Variants in CHKA observed in about 807,000 individuals in gnomAD.
CHKA encodes the protein choline kinase alpha.
A neutral mutation model predicts 60.1 loss-of-function variants in CHKA; 34 were observed. That is an observed-to-expected ratio of 0.57 (90% CI 0.43 to 0.75). CHKA has a LOEUF of 0.75. CHKA is among the 30% of genes least tolerant of loss of function. CHKA has a pLI of 0.00. For missense variants in CHKA, 563 were observed against 561.3 expected, an observed-to-expected ratio of 1.00 and a Z score of -0.03; for synonymous variants, 217 against 223.1, an observed-to-expected ratio of 0.97 and a Z score of 0.24.
intron 4 of CHKA, among the ~76,000 whole-genome samples, chr11:68,071,511 C>T (rs1856618124): frequency 6.6e-6 from 1 of 152,234 alleles, no homozygotes; most frequent in Non-Finnish European, 1.5e-5. Flanking sequence ...TGCCCTTTTA[C>T]AGGAGGCCCA....
At chr11:68,054,412 G>C (rs1243047783) in intron 11 of CHKA, among the ~76,000 whole-genome samples, 1 of 152,150 alleles carries the variant, frequency 6.6e-6, no homozygotes. Flanking sequence ...ACACCTTTTA[G>C]AGCAAAAGAC....
At position 68,121,218 on chromosome 11, in the gene CHKA, G is replaced by C. The variant is rs1441883162; in HGVS notation, c.-41C>G. ...GAGGAGGCGCGGGCGGCCGCAGCGC[G>C]AGAGGACTAGGCTCAGAGTCCGGCC... On this transcript the variant is annotated 5_prime_UTR_variant, in exon 1 of 12. Coordinates refer to ENST00000265689, the MANE Select transcript of CHKA (RefSeq NM_001277.3). The C allele has an allele frequency of 2.6e-6, 3 of 1,138,024 alleles. No individual in the cohort carries two copies. Among genetic ancestry groups the C allele is most frequent in the African/African-American group, 1.7e-5 (1 of 59,548 alleles). 70.5% of individuals were successfully genotyped at this position (1,138,024 alleles called of 1,614,324 possible).
chr11:68,081,017 G>A (rs1346986360), intron 3 of CHKA, among the ~76,000 whole-genome samples: 1 of 152,268 alleles, frequency 6.6e-6, no homozygotes, highest in Non-Finnish European at 1.5e-5. Flanking sequence ...CCACTGGGCA[G>A]TGACCCGCTT....
At chr11:68,065,916 T>C (rs745523442) in intron 8 of CHKA, 22 bp from the exon 9 acceptor site, 3 of 1,541,154 alleles carry the variant, frequency 1.9e-6, no homozygotes, top group Non-Finnish European at 2.7e-6. Flanking sequence ...CATAAGACAG[T>C]GCACACAATG....
chr11:68,098,409 T>C (rs1431231183), intron 1 of CHKA, among the ~76,000 whole-genome samples: 8 of 152,118 alleles, frequency 5.3e-5, no homozygotes, highest in African/African-American at 1.9e-4. Flanking sequence ...GTCCTATTAC[T>C]GCTATAACAA....
chr11:68,100,979 ACT>A (rs2153025670), intron 1 of CHKA, among the ~76,000 whole-genome samples: 1 of 114,758 alleles, frequency 8.7e-6, no homozygotes, highest in East Asian at 2.4e-4. Flanking sequence ...ACGGAGTCTC[ACT>A]CTGTCACCCA....
At chr11:68,083,679 A>G (rs1198358928) in intron 2 of CHKA, among the ~76,000 whole-genome samples, 3 of 152,110 alleles carry the variant, frequency 2.0e-5, no homozygotes, top group African/African-American at 7.2e-5. Flanking sequence ...ACATATTGGC[A>G]CTATAAGTGG....
At chr11:68,078,411 G>A (rs1401596364) in intron 3 of CHKA, among the ~76,000 whole-genome samples, 1 of 152,128 alleles carries the variant, frequency 6.6e-6, no homozygotes, top group Non-Finnish European at 1.5e-5. Flanking sequence ...GCTGCTAAGT[G>A]GCCATTAGAT....
chr11:68,121,225 C>A lies in CHKA; in HGVS notation c.-48G>T. On this transcript the variant is annotated 5_prime_UTR_variant, in exon 1 of 12. Transcript: ENST00000265689. ...CGCGGGCGGCCGCAGCGCGAGAGGA[C>A]TAGGCTCAGAGTCCGGCCGGGCGCC... is the stretch of plus-strand genomic sequence containing the variant. 1 of 1,110,690 alleles carries A rather than the reference C, an allele frequency of 9.0e-7. No homozygotes were observed. The highest frequency in any genetic ancestry group is 1.1e-6 in the Non-Finnish European group (1 of 910,376). The allele number at this position is 1,110,690 out of a possible 1,614,324, so 68.8% of individuals were successfully genotyped here.
chr11:68,083,379 TA>T (rs772429374), intron 2 of CHKA, among the ~76,000 whole-genome samples: 1 of 152,206 alleles, frequency 6.6e-6, no homozygotes, highest in Non-Finnish European at 1.5e-5. Flanking sequence ...AAAAAAGTTC[TA>T]TAATCTGATA....
At chr11:68,083,414 T>C (rs539240387) in intron 2 of CHKA, among the ~76,000 whole-genome samples, 1 of 152,282 alleles carries the variant, frequency 6.6e-6, no homozygotes, top group South Asian at 2.1e-4. Context: ...TACTTTGCAG[T>C]ATAAGCTTTA....
intron 2 of CHKA, among the ~76,000 whole-genome samples, chr11:68,088,310 C>A (rs1406719149): frequency 6.6e-6 from 1 of 151,982 alleles, no homozygotes; most frequent in Non-Finnish European, 1.5e-5. Context: ...GTGCATCATT[C>A]GGATTCAATT....
chr11:68,074,678 G>T, intron 4 of CHKA, 39 bp downstream of exon 4: 1 of 1,565,594 alleles, frequency 6.4e-7, no homozygotes, highest in Non-Finnish European at 8.8e-7. Context: ...TCTTCTGTCT[G>T]TGGCATATGT....
intron 1 of CHKA, among the ~76,000 whole-genome samples, chr11:68,118,278 C>CA (rs368873072): frequency 2.6e-5 from 4 of 152,080 alleles, no homozygotes; most frequent in African/African-American, 9.6e-5. Flanking sequence ...CCCATCTCTA[C>CA]AAAAATACAA....
chr11:68,101,827 G>A (rs1005296103), intron 1 of CHKA, among the ~76,000 whole-genome samples: 18 of 151,994 alleles, frequency 1.2e-4, no homozygotes, highest in African/African-American at 4.3e-4. Context: ...CTGGCCAAGC[G>A]CGTGGCTGAC....
chr11:68,062,956 T>C (rs1400230498), intron 10 of CHKA, among the ~76,000 whole-genome samples: 2 of 152,084 alleles, frequency 1.3e-5, no homozygotes, highest in Non-Finnish European at 2.9e-5. Context: ...ACAGCCATTC[T>C]ACCAAAAAAT....
chr11:68,088,581 A>C (rs985264713), intron 2 of CHKA, among the ~76,000 whole-genome samples: 6 of 152,170 alleles, frequency 3.9e-5, no homozygotes, highest in Non-Finnish European at 8.8e-5. Context: ...GAATGTGTTC[A>C]ATTCTATAGA....
intron 1 of CHKA, among the ~76,000 whole-genome samples, chr11:68,105,798 C>A (rs1857893702): frequency 1.3e-5 from 2 of 152,090 alleles, no homozygotes. Flanking sequence ...GCAAAAAAGC[C>A]ACTGAAAGCT....
At chr11:68,055,202 G>C (rs1270110370) in intron 11 of CHKA, among the ~76,000 whole-genome samples, 2 of 152,208 alleles carry the variant, frequency 1.3e-5, no homozygotes, top group Admixed American at 1.3e-4. Flanking sequence ...AGACCAGACT[G>C]GTCAACACGG....
Sources: gnomAD v4.1 joint callset for allele counts (sites outside exome capture counted in the v4.1 genomes callset) on GRCh38, gnomAD v4.1.1 for gene constraint, MANE v1.5 for transcripts, NCBI Gene and HGNC (gene_info 2026-07-23, HGNC 2026-07-21) for gene names.